CHCHD3: variants seen among roughly 807,000 people sequenced by gnomAD.
CHCHD3 encodes coiled-coil-helix-coiled-coil-helix domain containing 3.
A neutral mutation model predicts 38.2 loss-of-function variants in CHCHD3; 20 were observed. The ratio of observed to expected loss-of-function variants is 0.52; its 90% CI spans 0.37 to 0.76. The LOEUF is 0.76. Among genes scored for constraint, CHCHD3 ranks in the 30% least tolerant of loss-of-function variants. The pLI is 0.00. For missense variants in CHCHD3, 245 were observed against 279.2 expected (o/e 0.88, Z 0.87); for synonymous variants, 82 against 100.0 (o/e 0.82, Z 1.07).
intron 6 of CHCHD3, chr7:132,815,672 T>C (rs1337948634): frequency 2.2e-6 from 1 of 448,998 alleles, no homozygotes; most frequent in South Asian, 1.6e-5. Flanking sequence ...AGAAAAGATA[T>C]GAAAATTGCA....
intron 2 of CHCHD3, chr7:133,051,858 A>G (rs1436708168): frequency 6.6e-6 from 1 of 152,252 alleles, no homozygotes; most frequent in African/African-American, 2.4e-5. Context: ...GTTAGGAAAC[A>G]AAGACGAATG....
chr7:132,914,895 C>T (rs957740718), intron 4 of CHCHD3, among the ~76,000 whole-genome samples: 1 of 152,178 alleles, frequency 6.6e-6, no homozygotes, highest in African/African-American at 2.4e-5. Flanking sequence ...GGCGTGGTGG[C>T]CCATGCCTGT....
intron 5 of CHCHD3, among the ~76,000 whole-genome samples, chr7:132,843,612 C>G (rs1055369474): frequency 6.6e-6 from 1 of 152,180 alleles, no homozygotes; most frequent in Non-Finnish European, 1.5e-5. Flanking sequence ...CATTGCCTAG[C>G]AACACCACAA....
At chr7:132,879,537 T>C (rs1808996526) in intron 5 of CHCHD3, among the ~76,000 whole-genome samples, 1 of 151,822 alleles carries the variant, frequency 6.6e-6, no homozygotes, top group Non-Finnish European at 1.5e-5. Flanking sequence ...ACAAGGCCCT[T>C]CATCCTGGAA....
chr7:132,834,015 G>A (rs1181664420), intron 6 of CHCHD3, among the ~76,000 whole-genome samples: 1 of 152,114 alleles, frequency 6.6e-6, no homozygotes, highest in Non-Finnish European at 1.5e-5. Context: ...TGTTGCCTAA[G>A]AGGAACTGTT....
At position 133,028,567 on chromosome 7, in the gene CHCHD3, T is replaced by G. The variant is rs145490197; in HGVS notation, c.170-3940A>C. Among the ~76,000 whole-genome samples the G allele has an allele frequency of 8.7e-3, 1,330 of 152,186 alleles. 8 individuals carry two copies. The highest frequency in any genetic ancestry group is 0.014 in the Non-Finnish European group (936 of 67,994). On this transcript the variant is annotated intron_variant, in intron 2 of 7. Coordinates refer to ENST00000262570, the MANE Select transcript of CHCHD3 (RefSeq NM_017812.4). Reference sequence around the variant, plus strand: ...AATCCATGCATGGATTAATGGTTTATCATGATAGTGGGACTGGTACCTTAA... The same window carrying G: ...AATCCATGCATGGATTAATGGTTTAGCATGATAGTGGGACTGGTACCTTAA...
intron 7 of CHCHD3, among the ~76,000 whole-genome samples, chr7:132,790,252 CTG>C (rs1218616727): frequency 6.6e-6 from 1 of 152,186 alleles, no homozygotes; most frequent in Non-Finnish European, 1.5e-5. Flanking sequence ...AAGTAATTAA[CTG>C]TTTATACAGC....
chr7:132,906,501 A>C (rs927593485), intron 4 of CHCHD3, among the ~76,000 whole-genome samples: 6 of 152,190 alleles, frequency 3.9e-5, no homozygotes, highest in Non-Finnish European at 7.3e-5. Context: ...AAGTTCTAAG[A>C]AACAGATTTA....
intron 2 of CHCHD3, among the ~76,000 whole-genome samples, chr7:133,025,317 A>C: frequency 6.6e-6 from 1 of 152,170 alleles, no homozygotes; most frequent in South Asian, 2.1e-4. Context: ...AAAGTTTCTT[A>C]CAGCTATGAT....
chr7:132,870,351 C>CAAAAAAAAA (rs58488494), intron 5 of CHCHD3, among the ~76,000 whole-genome samples: 1 of 99,390 alleles, frequency 1.0e-5, no homozygotes. Context: ...CCTATCTCAC[C>CAAAAAAAAA]AAAAAAAAAA....
At chr7:133,007,322 T>C (rs1163277137) in intron 3 of CHCHD3, among the ~76,000 whole-genome samples, 1 of 152,216 alleles carries the variant, frequency 6.6e-6, no homozygotes, top group East Asian at 1.9e-4. Flanking sequence ...TGTCTTTAGT[T>C]ATTGTCTCGT....
chr7:132,934,471 A>G (rs373752431), intron 4 of CHCHD3, among the ~76,000 whole-genome samples: 2 of 152,218 alleles, frequency 1.3e-5, no homozygotes, highest in African/African-American at 4.8e-5. Flanking sequence ...CTGACCCCAC[A>G]TCGCTGTTCT....
At chr7:132,954,966 T>C (rs531486707) in intron 4 of CHCHD3, among the ~76,000 whole-genome samples, 213 of 152,196 alleles carry the variant, frequency 1.4e-3, no homozygotes, top group African/African-American at 4.9e-3. Context: ...ACCGCAGAGA[T>C]GGGTTTCCTC....
At chr7:132,908,179 C>T (rs941102167) in intron 4 of CHCHD3, among the ~76,000 whole-genome samples, 1 of 152,132 alleles carries the variant, frequency 6.6e-6, no homozygotes, top group Non-Finnish European at 1.5e-5. Context: ...TTTGCTTTAA[C>T]CATCAGTCTT....
At chr7:133,079,501 C>G (rs920617885) in intron 1 of CHCHD3, among the ~76,000 whole-genome samples, 1 of 152,220 alleles carries the variant, frequency 6.6e-6, no homozygotes, top group Non-Finnish European at 1.5e-5. Context: ...GGAACCCTAT[C>G]ATAATAATGG....
intron 5 of CHCHD3, among the ~76,000 whole-genome samples, chr7:132,875,732 T>C (rs907273941): frequency 6.6e-6 from 1 of 152,226 alleles, no homozygotes; most frequent in African/African-American, 2.4e-5. Context: ...TGTTTTTGAA[T>C]GAGTGGTGAA....
intron 6 of CHCHD3, among the ~76,000 whole-genome samples, chr7:132,832,508 T>C (rs938495198): frequency 5.3e-5 from 8 of 152,204 alleles, no homozygotes; most frequent in Admixed American, 5.2e-4. Context: ...GCATATTTTT[T>C]CTTTCTTTTA....
intron 2 of CHCHD3, among the ~76,000 whole-genome samples, chr7:133,027,363 A>AGAGAGAGAGAGAGAGAGAGAGAGAG (rs1554402334): frequency 4.5e-5 from 6 of 133,784 alleles, no homozygotes; most frequent in Non-Finnish European, 4.8e-5. Context: ...AATAAGTTGT[A>AGAGAGAGAGAGAGAGAGAGAGAGAG]AGAGAGAGAG....
intron 5 of CHCHD3, among the ~76,000 whole-genome samples, chr7:132,855,067 T>C (rs1585574902): frequency 6.6e-6 from 1 of 152,250 alleles, no homozygotes; most frequent in Admixed American, 6.5e-5. Context: ...CCAGGAATGG[T>C]GTGTTTAAAC....
Sources: allele counts gnomAD v4.1 joint callset (sites outside exome capture counted in the v4.1 genomes callset), GRCh38; gene constraint gnomAD v4.1.1; transcripts MANE v1.5; gene names NCBI Gene and HGNC (gene_info 2026-07-23, HGNC 2026-07-21).